Variants in EMX2 observed in about 807,000 individuals in gnomAD.
EMX2 encodes the protein empty spiracles homeobox 2.
In EMX2, 6 loss-of-function variants were observed where a neutral mutation model predicts 23.0. The ratio of observed to expected loss-of-function variants is 0.26; its 90% CI spans 0.14 to 0.52. EMX2 has a LOEUF of 0.52. Among genes scored for constraint, EMX2 ranks in the 20% least tolerant of loss-of-function variants. The probability of loss-of-function intolerance (pLI) is 0.97; values close to 1 mark genes in which losing one functional copy is unlikely to be tolerated. For synonymous variants in EMX2, 175 were observed against 153.3 expected, an observed-to-expected ratio of 1.14 and a Z score of -1.04; for missense variants, 302 against 341.4, an observed-to-expected ratio of 0.88 and a Z score of 0.91.
chr10:117,543,045 T>G lies in EMX2; in HGVS notation c.-223T>G. ...CAGGTTGGGCGCGTTTGGTGCAAGA[T>G]TCTCGGGATCCTCGGCTTTGCCTCT... On this transcript the variant is annotated 5_prime_UTR_variant, in exon 1 of 3. Coordinates refer to ENST00000553456, the MANE Select transcript of EMX2 (RefSeq NM_004098.4). The G allele has an allele frequency of 2.0e-6, 1 of 506,178 alleles. No individual in the cohort carries two copies. The highest frequency in any genetic ancestry group is 3.3e-6 in the Non-Finnish European group (1 of 300,238). 31.4% of individuals were successfully genotyped at this position (506,178 alleles called of 1,614,324 possible).
Position 117,548,321 on chromosome 10 carries a change from AC to A in EMX2, c.*90del. ...AAGGAAAAAACCCTACAAAACAAAA[AC>A]AAACCGCATACACGTTCACCGAGAA... On this transcript the variant is annotated 3_prime_UTR_variant, in exon 3 of 3. Transcript: ENST00000553456. 2.6e-6 allele frequency: 4 copies of A among 1,526,284 alleles called. No homozygotes were observed. Among genetic ancestry groups the A allele is most frequent in the Non-Finnish European group, 3.5e-6 (4 of 1,129,766 alleles). 94.5% of individuals were successfully genotyped at this position (1,526,284 alleles called of 1,614,324 possible).
At chr10:117,543,797 C>A in intron 1 of EMX2, 124 bp downstream of exon 1, 4 of 1,484,230 alleles carry the variant, frequency 2.7e-6, no homozygotes, top group Middle Eastern at 1.7e-4. Flanking sequence ...CGGGCCAGCG[C>A]GCCCTGTTGG....
At chr10:117,544,697 A>C (rs1589648685) in intron 1 of EMX2, 1 of 152,130 alleles carries the variant, frequency 6.6e-6, no homozygotes, top group Non-Finnish European at 1.5e-5. Context: ...AGGAAAAAAA[A>C]CCCAAAAAGC....
At chr10:117,545,500 G>A in intron 1 of EMX2, 132 bp from the exon 2 acceptor site, 1 of 1,114,876 alleles carries the variant, frequency 9.0e-7, no homozygotes, top group East Asian at 2.6e-5. Context: ...AGGACCACCG[G>A]CCCCCGCAGG....
In EMX2 at chr10:117,547,042, C is replaced by G. The variant is rs140221557; in HGVS notation, c.592-1023C>G. On this transcript the variant is annotated intron_variant, in intron 2 of 2. Coordinates refer to ENST00000553456, the MANE Select transcript of EMX2 (RefSeq NM_004098.4). ...GTATCAGAGGTGCAGTCACTGCCAT[C>G]TCCCTTACCTGTACACCACTGCTGT... Among the ~76,000 whole-genome samples the G allele has an allele frequency of 3.3e-3, 496 of 152,320 alleles. 3 individuals carry two copies. Among genetic ancestry groups the G allele is most frequent in the African/African-American group, 0.011 (455 of 41,570 alleles).
In EMX2 at chr10:117,548,269, G is replaced by C. The variant is rs750917102; in HGVS notation, c.*37G>C. The C allele has an allele frequency of 1.2e-6, 2 of 1,610,068 alleles. No homozygotes were observed. Among genetic ancestry groups the C allele is most frequent in the Admixed American group, 3.4e-5 (2 of 59,534 alleles). On this transcript the variant is annotated 3_prime_UTR_variant, in exon 3 of 3. Coordinates refer to ENST00000553456, the MANE Select transcript of EMX2 (RefSeq NM_004098.4). ...TAACCCCACAGAAACGGACAACATG[G>C]AGCAAAAGAGACAGGGAGAGGTGGA... is the stretch of plus-strand genomic sequence containing the variant.
At chr10:117,545,245 A>G (rs768179477) in intron 1 of EMX2, 67 of 193,062 alleles carry the variant, frequency 3.5e-4, no homozygotes, top group Middle Eastern at 4.0e-3. Context: ...GAAAGAAGAG[A>G]AAGTAGTTTC....
At chr10:117,543,983 G>A (rs1263819960) in intron 1 of EMX2, among the ~76,000 whole-genome samples, 1 of 152,210 alleles carries the variant, frequency 6.6e-6, no homozygotes, top group African/African-American at 2.4e-5. Flanking sequence ...CCGGCGCCGC[G>A]GAGCCCAGAG....
chr10:117,548,932 A>AT lies in EMX2; in HGVS notation c.*708dup, dbSNP rs902155823. The stretch of plus-strand genomic sequence containing the variant: ...CAGGTTCTGTGTGCTTTTTATTTTG[A>AT]TTTTTTTTCCCAAGAAATGTGCAGT... On this transcript the variant is annotated 3_prime_UTR_variant, in exon 3 of 3. Transcript: ENST00000553456. 58 of 326,708 alleles carry AT rather than the reference A, an allele frequency of 1.8e-4. No homozygotes were observed. Among genetic ancestry groups the AT allele is most frequent in the African/African-American group, 2.8e-4 (13 of 47,148 alleles). The allele number at this position is 326,708 out of a possible 1,614,324, so 20.2% of individuals were successfully genotyped here. A position where few individuals can be genotyped will look rare whatever the true frequency, so the allele number is the denominator to read the frequency against.
chr10:117,546,988 C>T (rs1366631733), intron 2 of EMX2, among the ~76,000 whole-genome samples: 1 of 152,178 alleles, frequency 6.6e-6, no homozygotes, highest in African/African-American at 2.4e-5. Flanking sequence ...GTACTCTTAT[C>T]CAGATAGAAT....
Position 117,548,063 on chromosome 10 carries a change from A to G in EMX2, c.592-2A>G. 1 of 1,609,528 alleles carries G rather than the reference A, an allele frequency of 6.2e-7. No individual in the cohort carries two copies. The highest frequency in any genetic ancestry group is 1.1e-5 in the South Asian group (1 of 89,936). ...CGCACCCCATCTGCCTCTCACCCGC[A>G]GGTAAAAGTATGGTTTCAGAACCGA... On this transcript the variant is annotated splice_acceptor_variant, in intron 2 of 2. Transcript: ENST00000553456. LOFTEE classifies it high-confidence loss of function.
chr10:117,543,397 A>G lies in EMX2; in HGVS notation c.130A>G (p.Ile44Val). Residue 44 changes from isoleucine to valine, a missense_variant, in exon 1 of 3, where the codon ATA (isoleucine) becomes GTA (valine). By Grantham distance (29) the Ile-to-Val change is conservative (BLOSUM62 3). Coordinates refer to ENST00000553456, the MANE Select transcript of EMX2 (RefSeq NM_004098.4). ...ACTCAGCTACGCTAACTCCAGCCCC[A>G]TAAATCCGTTCCTCAACGGCTTCCA... ...AALSYANSSP[I>V]NPFLNGFHSA... 6.3e-7 allele frequency: 1 copy of G among 1,586,278 alleles called. No homozygotes were observed. Among genetic ancestry groups the G allele is most frequent in the African/African-American group, 1.3e-5 (1 of 74,108 alleles).
intron 2 of EMX2, among the ~76,000 whole-genome samples, chr10:117,546,243 C>A (rs1056882424): frequency 6.6e-6 from 1 of 152,162 alleles, no homozygotes; most frequent in South Asian, 2.1e-4. Flanking sequence ...TGTGAGCCCA[C>A]GGCTCACACC....
chr10:117,549,210 T>G lies in EMX2; in HGVS notation c.*978T>G, dbSNP rs1846625849. ...AAAACCCTGATGCAAACTTCTCCTTTCAGTGGTTGGAGAAATTGGCCGAGT... is the reference window on the plus strand; with the variant it reads ...AAAACCCTGATGCAAACTTCTCCTTGCAGTGGTTGGAGAAATTGGCCGAGT... On this transcript the variant is annotated 3_prime_UTR_variant, in exon 3 of 3. Coordinates refer to ENST00000553456, the MANE Select transcript of EMX2 (RefSeq NM_004098.4). 6.6e-6 allele frequency: 1 copy of G among 152,668 alleles called. No homozygotes were observed. Among genetic ancestry groups the G allele is most frequent in the Non-Finnish European group, 1.5e-5 (1 of 68,084 alleles). The allele number at this position is 152,668 out of a possible 1,614,324, so 9.5% of individuals were successfully genotyped here. A position where few individuals can be genotyped will look rare whatever the true frequency, so the allele number is the denominator to read the frequency against.
intron 2 of EMX2, among the ~76,000 whole-genome samples, chr10:117,547,013 G>A (rs1193821512): frequency 1.3e-5 from 2 of 152,214 alleles, no homozygotes; most frequent in African/African-American, 2.4e-5. Context: ...GTTGTGGGGG[G>A]AGGGTATCAG....
chr10:117,546,471 C>G (rs117239580), intron 2 of EMX2, among the ~76,000 whole-genome samples: 2,027 of 152,312 alleles, frequency 0.013, 26 homozygotes, highest in Non-Finnish European at 0.02. Context: ...CGCTACTGTA[C>G]ACGGAGCCGC....
intron 1 of EMX2, 126 bp downstream of exon 1, chr10:117,543,799 C>A: frequency 6.8e-7 from 1 of 1,475,404 alleles, no homozygotes. Flanking sequence ...GGCCAGCGCG[C>A]CCTGTTGGGA....
chr10:117,545,826 G>T lies in EMX2; in HGVS notation c.591+10G>T, dbSNP rs753326091. 2 of 1,613,680 alleles carry T rather than the reference G, an allele frequency of 1.2e-6. No homozygotes were observed. The highest frequency in any genetic ancestry group is 8.5e-7 in the Non-Finnish European group (1 of 1,180,014). ...CCTCACGGAAACTCAGGTGACTGCG[G>T]CCCGGGCGCGAGGAACCCATCTAGG... On this transcript the variant is annotated intron_variant, in intron 2 of 2. Transcript: ENST00000553456.
At chr10:117,544,217 G>GT (rs1474955304) in intron 1 of EMX2, 1 of 170,598 alleles carries the variant, frequency 5.9e-6, no homozygotes, top group African/African-American at 2.4e-5. Context: ...TATGGGATTT[G>GT]TTTTTTCTTT....
Sources: gnomAD v4.1 joint callset for allele counts (sites outside exome capture counted in the v4.1 genomes callset) on GRCh38, gnomAD v4.1.1 for gene constraint, MANE v1.5 for transcripts, NCBI Gene and HGNC (gene_info 2026-07-23, HGNC 2026-07-21) for gene names.